The following SLCO5A1 variants were observed in gnomAD, a reference collection of about 807,000 sequenced individuals.
SLCO5A1 encodes the protein organic anion transporter polypeptide-related protein 4.
In SLCO5A1, 39 loss-of-function variants were observed where a neutral mutation model predicts 65.1. That is an observed-to-expected ratio of 0.60 (90% CI 0.46 to 0.78). The LOEUF is 0.78. Among genes scored for constraint, SLCO5A1 ranks in the 30% least tolerant of loss-of-function variants. SLCO5A1 has a pLI of 0.00. For synonymous variants in SLCO5A1, 438 were observed against 415.7 expected (o/e 1.05, Z -0.65); for missense variants, 1,029 against 1,069.4 (o/e 0.96, Z 0.53).
intron 6 of SLCO5A1, chr8:69,700,531 AAT>A (rs563717914): frequency 2.6e-5 from 4 of 152,340 alleles, no homozygotes; most frequent in East Asian, 1.9e-4. Context: ...CCTGAAAAAT[AAT>A]AGTCTCCAGT....
chr8:69,695,721 G>T (rs1031772864), intron 6 of SLCO5A1, among the ~76,000 whole-genome samples: 1 of 152,174 alleles, frequency 6.6e-6, no homozygotes, highest in East Asian at 1.9e-4. Flanking sequence ...ACAATGGTAT[G>T]TAATTTTTTT....
chr8:69,794,414 A>C, intron 2 of SLCO5A1: 1 of 447,762 alleles, frequency 2.2e-6, no homozygotes, highest in Non-Finnish European at 4.4e-6. Context: ...TCAGGGTCCA[A>C]GGACTAAGAA....
At chr8:69,804,449 G>C (rs1266097550) in intron 2 of SLCO5A1, among the ~76,000 whole-genome samples, 3 of 152,088 alleles carry the variant, frequency 2.0e-5, no homozygotes, top group Non-Finnish European at 2.9e-5. Context: ...AAGTAGCTTG[G>C]ATTACAGGCA....
chr8:69,763,775 AG>A (rs1261229515), intron 2 of SLCO5A1, among the ~76,000 whole-genome samples: 1 of 152,028 alleles, frequency 6.6e-6, no homozygotes, highest in Non-Finnish European at 1.5e-5. Flanking sequence ...ATTTTAAGAT[AG>A]GATATGGAAT....
In SLCO5A1 at chr8:69,671,268, C is replaced by G. The variant is rs547986674; in HGVS notation, c.*1601G>C. 6.6e-6 allele frequency: 1 copy of G among 152,354 alleles called. No individual in the cohort carries two copies. The highest frequency in any genetic ancestry group is 2.1e-4 in the South Asian group (1 of 4,832). 9.4% of individuals were successfully genotyped at this position (152,354 alleles called of 1,614,324 possible). A position where few individuals can be genotyped will look rare whatever the true frequency, so the allele number is the denominator to read the frequency against. ...GAGTATTTGCACAATTCCACCTGTG[C>G]AGTCAAGCAAGGTTGGAGAGCAGAA... On this transcript the variant is annotated 3_prime_UTR_variant, in exon 10 of 10. Coordinates refer to ENST00000260126, the MANE Select transcript of SLCO5A1 (RefSeq NM_030958.3).
intron 6 of SLCO5A1, among the ~76,000 whole-genome samples, chr8:69,689,229 T>C (rs1375784120): frequency 8.3e-6 from 1 of 120,106 alleles, no homozygotes; most frequent in Non-Finnish European, 1.7e-5. Flanking sequence ...TTGTAGATTC[T>C]GGATATTAGC....
intron 2 of SLCO5A1, among the ~76,000 whole-genome samples, chr8:69,774,241 C>G (rs1332589924): frequency 6.6e-6 from 1 of 152,212 alleles, no homozygotes; most frequent in Admixed American, 6.5e-5. Context: ...CCATAGGCTC[C>G]TGGTGCTAGG....
intron 5 of SLCO5A1, among the ~76,000 whole-genome samples, chr8:69,716,749 A>G (rs1815558487): frequency 6.7e-6 from 1 of 149,386 alleles, no homozygotes; most frequent in South Asian, 2.1e-4. Flanking sequence ...TGATTTGCAA[A>G]TATTTTCTCC....
Position 69,672,878 on chromosome 8 carries a change from C to T in SLCO5A1, c.2538G>A (p.Pro846=), listed in dbSNP as rs772685671. ...CTTCCATTTTCAAGCTTCAGGAGGG[C>T]GGCTCCAAGGCAGCGGGGCTCTCTT... is the stretch of plus-strand genomic sequence containing the variant. ...GLEESPAALE[P]PS The change falls in exon 10 of 10, where the codon CCG becomes CCA. Residue 846 remains proline (P), a synonymous_variant. Coordinates refer to ENST00000260126, the MANE Select transcript of SLCO5A1 (RefSeq NM_030958.3). The T allele has an allele frequency of 3.1e-6, 5 of 1,604,486 alleles. No individual in the cohort carries two copies. Among genetic ancestry groups the T allele is most frequent in the South Asian group, 1.1e-5 (1 of 90,736 alleles).
At chr8:69,831,670 C>T in intron 2 of SLCO5A1, 97 bp downstream of exon 2, 5 of 1,294,024 alleles carry the variant, frequency 3.9e-6, no homozygotes, top group Non-Finnish European at 5.4e-6. Context: ...CTATAATATA[C>T]ATGAAAATGT....
chr8:69,826,039 C>G (rs1285022822), intron 2 of SLCO5A1, among the ~76,000 whole-genome samples: 1 of 152,218 alleles, frequency 6.6e-6, no homozygotes, highest in South Asian at 2.1e-4. Flanking sequence ...AAAGGATTCC[C>G]TATTTAATAA....
intron 2 of SLCO5A1, among the ~76,000 whole-genome samples, chr8:69,765,192 G>GTATA (rs1293513460): frequency 6.6e-6 from 1 of 151,874 alleles, no homozygotes; most frequent in African/African-American, 2.4e-5. Context: ...ATGTGTGCCT[G>GTATA]TGTGTATACA....
At chr8:69,831,583 T>C (rs554293490) in intron 2 of SLCO5A1, among the ~76,000 whole-genome samples, 184 bp downstream of exon 2, 11 of 152,314 alleles carry the variant, frequency 7.2e-5, no homozygotes, top group African/African-American at 2.4e-4. Context: ...TTTCAAGAAC[T>C]CTCAACTAAT....
chr8:69,815,978 G>C (rs1419107776), intron 2 of SLCO5A1, among the ~76,000 whole-genome samples: 1 of 152,062 alleles, frequency 6.6e-6, no homozygotes, highest in Non-Finnish European at 1.5e-5. Context: ...TCCCTTGCTT[G>C]TTAGAAGACT....
At chr8:69,681,841 A>T (rs1813788674) in intron 7 of SLCO5A1, among the ~76,000 whole-genome samples, 1 of 152,090 alleles carries the variant, frequency 6.6e-6, no homozygotes. Context: ...AAATGTGGTC[A>T]TCTTGACCTT....
chr8:69,721,410 C>T (rs975218493), intron 5 of SLCO5A1, among the ~76,000 whole-genome samples: 7 of 152,134 alleles, frequency 4.6e-5, no homozygotes, highest in Admixed American at 3.3e-4. Context: ...ATTTAACTAC[C>T]TCGTGTTATA....
At chr8:69,820,937 A>G (rs1264305250) in intron 2 of SLCO5A1, among the ~76,000 whole-genome samples, 3 of 152,162 alleles carry the variant, frequency 2.0e-5, no homozygotes, top group Non-Finnish European at 4.4e-5. Context: ...GGAGAAGCCA[A>G]GGGGTTTGTC....
At chr8:69,801,903 T>C (rs1161427226) in intron 2 of SLCO5A1, among the ~76,000 whole-genome samples, 1 of 152,206 alleles carries the variant, frequency 6.6e-6, no homozygotes, top group Non-Finnish European at 1.5e-5. Flanking sequence ...GTCTCAAACG[T>C]CATCTTCCAC....
rs906162178 is a variant in SLCO5A1 at position 69,748,771 on chromosome 8, A to G, written c.1258+6653T>C. ...TTCCTGGACCAACAGCTTCAGTATC[A>G]TCTGGGAAATTGTTAAAAAATGCTC... On this transcript the variant is annotated intron_variant, in intron 4 of 9. Transcript: ENST00000260126. Among the ~76,000 whole-genome samples the G allele has an allele frequency of 2.6e-5, 4 of 152,276 alleles. No individual in the cohort carries two copies. The South Asian group carries it at 8.3e-4, about 32-fold the overall frequency.
Sources: allele counts gnomAD v4.1 joint callset (sites outside exome capture counted in the v4.1 genomes callset), GRCh38; gene constraint gnomAD v4.1.1; transcripts MANE v1.5; gene names NCBI Gene and HGNC (gene_info 2026-07-23, HGNC 2026-07-21).